Variants in CRB1 observed in about 807,000 individuals in gnomAD.
The protein encoded by CRB1 is protein crumbs homolog 1.
CRB1 carries 83 observed loss-of-function variants against 120.0 expected under a neutral mutation model. The ratio of observed to expected loss-of-function variants is 0.69; its 90% confidence interval spans 0.58 to 0.83. CRB1 has a LOEUF of 0.83. CRB1 is among the 40% of genes least tolerant of loss of function. The pLI is 0.00. For missense variants in CRB1, 1,699 were observed against 1,687.6 expected (o/e 1.01, Z -0.12); for synonymous variants, 625 against 612.5 (o/e 1.02, Z -0.30).
At chr1:197,254,490 T>G in the CRB1 span, among the ~76,000 whole-genome samples, 1 of 152,106 alleles carries the variant, frequency 6.6e-6, no homozygotes, top group Non-Finnish European at 1.5e-5. Flanking sequence ...ACAGAATATG[T>G]TTTTTTCATA....
chr1:197,252,667 A>C, the CRB1 span, among the ~76,000 whole-genome samples: 1 of 145,182 alleles, frequency 6.9e-6, no homozygotes, highest in Non-Finnish European at 1.5e-5. Flanking sequence ...TATATAAAAT[A>C]AAACTTATTA....
intron 11 of CRB1, among the ~76,000 whole-genome samples, chr1:197,467,014 A>G (rs1281084610): frequency 6.6e-6 from 1 of 152,188 alleles, no homozygotes; most frequent in African/African-American, 2.4e-5. Flanking sequence ...GGGAGAGGAG[A>G]TAAGACCATC....
At chr1:197,275,808 T>C (rs890147440) in intron 1 of CRB1, among the ~76,000 whole-genome samples, 1 of 152,038 alleles carries the variant, frequency 6.6e-6, no homozygotes, top group African/African-American at 2.4e-5. Flanking sequence ...AAGATTACTT[T>C]CCTTTATTAT....
the CRB1 span, among the ~76,000 whole-genome samples, chr1:197,254,525 G>C: frequency 4.0e-4 from 61 of 152,030 alleles, 1 homozygote; most frequent in South Asian, 0.012. Context: ...TGAATGTCAG[G>C]CTCTGTTGCT....
the CRB1 span, among the ~76,000 whole-genome samples, chr1:197,223,963 G>C: frequency 6.6e-6 from 1 of 152,006 alleles, no homozygotes; most frequent in Non-Finnish European, 1.5e-5. Flanking sequence ...AATATTTTTA[G>C]TTCAGTAACT....
At chr1:197,440,857 T>C (rs1002364609) in intron 10 of CRB1, 22 of 152,262 alleles carry the variant, frequency 1.4e-4, no homozygotes, top group Non-Finnish European at 2.1e-4. Flanking sequence ...AGACCGAGAA[T>C]GCTTGGCAGG....
chr1:197,222,191 T>C, the CRB1 span: 1 of 435,826 alleles, frequency 2.3e-6, no homozygotes, highest in Non-Finnish European at 4.3e-6. Flanking sequence ...CCGCTCCTTG[T>C]TGCCCTGCAC....
chr1:197,250,203 C>T, the CRB1 span, among the ~76,000 whole-genome samples: 1 of 151,868 alleles, frequency 6.6e-6, no homozygotes, highest in African/African-American at 2.4e-5. Flanking sequence ...AATTATTAAT[C>T]TATTGGAAAT....
In CRB1 at chr1:197,442,192, C is replaced by T. The variant is rs1315663671; in HGVS notation, c.3905C>T (p.Ala1302Val). The T allele has an allele frequency of 2.5e-6, 4 of 1,613,990 alleles. No individual in the cohort carries two copies. Among genetic ancestry groups the T allele is most frequent in the South Asian group, 1.1e-5 (1 of 91,082 alleles). The change falls in exon 11 of 12, where the codon GCC becomes GTC. Residue 1302 changes from alanine (A) to valine (V), a missense_variant. By Grantham distance (64) the Ala-to-Val change is moderately conservative. Coordinates refer to ENST00000367400, the MANE Select transcript of CRB1 (RefSeq NM_201253.3). ...TGTGAAAAGGACATTGATGAGTGTG[C>T]CTCTGATCCGTGTGTCAATGGAGGT... ...EWCEKDIDEC[A>V]SDPCVNGGLC...
chr1:197,357,214 G>A, intron 5 of CRB1: 1 of 652,112 alleles, frequency 1.5e-6, no homozygotes, highest in Non-Finnish European at 2.8e-6. Flanking sequence ...ATATTAAAGA[G>A]GGATAAAGGA....
upstream of CRB1, among the ~76,000 whole-genome samples, chr1:197,264,025 C>T (rs1654576609): frequency 6.6e-6 from 1 of 152,106 alleles, no homozygotes; most frequent in African/African-American, 2.4e-5. Flanking sequence ...CAATTTGTTA[C>T]ATGGACATAT....
chr1:197,397,223 C>T (rs1662816519), intron 5 of CRB1, among the ~76,000 whole-genome samples: 1 of 152,048 alleles, frequency 6.6e-6, no homozygotes, highest in African/African-American at 2.4e-5. Flanking sequence ...TGAGATATCA[C>T]TATGCAACTA....
At chr1:197,204,193 T>C in the CRB1 span, among the ~76,000 whole-genome samples, 17 of 152,254 alleles carry the variant, frequency 1.1e-4, no homozygotes, top group Non-Finnish European at 1.9e-4. Context: ...GCTCATTGAT[T>C]GATGGGCACT....
chr1:197,421,524 G>T lies in CRB1; in HGVS notation c.1696G>T (p.Glu566Ter), dbSNP rs767359805. 1.9e-6 allele frequency: 3 copies of T among 1,614,258 alleles called. No homozygotes were observed. The highest frequency in any genetic ancestry group is 2.5e-6 in the Non-Finnish European group (3 of 1,180,060). ...CATTTCCCACAACACCAGCGATGGA[G>T]AGTGGCATTTCGTGGAGGTAATATT... ...LFISHNTSDG[E>*]WHFVEVIFAE... Residue 566 changes from glutamate to a stop codon, truncating the protein, a stop_gained, in exon 6 of 12, where the codon GAG becomes TAG. Coordinates refer to ENST00000367400, the MANE Select transcript of CRB1 (RefSeq NM_201253.3). LOFTEE classifies it high-confidence loss of function.
At chr1:197,316,190 CT>C (rs567045437) in intron 1 of CRB1, among the ~76,000 whole-genome samples, 86 of 147,620 alleles carry the variant, frequency 5.8e-4, no homozygotes, top group African/African-American at 6.4e-4. Flanking sequence ...CAAAGTCAGA[CT>C]TTTTTTTTTT....
At chr1:197,264,341 T>C (rs1268865253), upstream of CRB1, among the ~76,000 whole-genome samples, 2 of 152,238 alleles carry the variant, frequency 1.3e-5, no homozygotes, top group African/African-American at 4.8e-5. Context: ...CATTGTGTTA[T>C]ATATACCGTA....
In CRB1 at chr1:197,306,020, G is replaced by GGGGAAAA. The variant is rs1558042055; in HGVS notation, c.71-22399_71-22393dup. Among the ~76,000 whole-genome samples, 9 of 152,062 alleles carry GGGGAAAA rather than the reference G, an allele frequency of 5.9e-5. 1 individual carries two copies. ...GTGCAACCAAGGATGGATGATAGGT[G>GGGGAAAA]GGGAAAAGGAAGTATAGTGTTCAGT... On this transcript the variant is annotated intron_variant, in intron 1 of 11. Coordinates refer to ENST00000367400, the MANE Select transcript of CRB1 (RefSeq NM_201253.3).
intron 1 of CRB1, among the ~76,000 whole-genome samples, chr1:197,283,162 C>A (rs1655627534): frequency 6.6e-6 from 1 of 151,442 alleles, no homozygotes. Context: ...ATGTAATCTA[C>A]AATATGCAAT....
intron 3 of CRB1, among the ~76,000 whole-genome samples, chr1:197,346,963 C>T (rs187132621): frequency 6.6e-6 from 1 of 152,184 alleles, no homozygotes; most frequent in Admixed American, 6.5e-5. Flanking sequence ...AAAATATTAA[C>T]AATTTTATTA....
Sources: allele counts gnomAD v4.1 joint callset (sites outside exome capture counted in the v4.1 genomes callset), GRCh38; gene constraint gnomAD v4.1.1; transcripts MANE v1.5; gene names NCBI Gene and HGNC (gene_info 2026-07-23, HGNC 2026-07-21).